The following RGS7 variants were observed in gnomAD, a reference collection of about 807,000 sequenced individuals.
The protein encoded by RGS7 is regulator of G protein signaling 7.
Under a neutral mutation model 81.1 loss-of-function variants are expected in RGS7, and 27 were observed. The observed-to-expected ratio is 0.33, with a 90% CI of 0.25 to 0.46. The LOEUF (loss-of-function observed/expected upper bound fraction) is 0.46. Among genes scored for constraint, RGS7 ranks in the 20% least tolerant of loss-of-function variants. The probability of loss-of-function intolerance (pLI) is 1.00; values close to 1 mark genes in which losing one functional copy is unlikely to be tolerated. For synonymous variants in RGS7, 208 were observed against 207.7 expected, an observed-to-expected ratio of 1.00 and a Z score of -0.01; for missense variants, 396 against 607.4, an observed-to-expected ratio of 0.65 and a Z score of 3.66.
intron 9 of RGS7, among the ~76,000 whole-genome samples, chr1:240,829,042 C>G (rs1324219813): frequency 1.3e-5 from 2 of 152,082 alleles, no homozygotes; most frequent in African/African-American, 4.8e-5. Flanking sequence ...GTAATGAGGA[C>G]AGAGGACACT....
intron 3 of RGS7, among the ~76,000 whole-genome samples, chr1:241,002,264 T>C (rs538004241): frequency 7.9e-5 from 12 of 151,594 alleles, no homozygotes; most frequent in Non-Finnish European, 1.3e-4. Context: ...CTGACCAAGA[T>C]GGTGAAACCC....
intron 9 of RGS7, among the ~76,000 whole-genome samples, chr1:240,842,668 G>A (rs1425484231): frequency 5.3e-5 from 8 of 152,094 alleles, no homozygotes; most frequent in Non-Finnish European, 1.0e-4. Context: ...GGAGGCAAGA[G>A]TGTAAAACTC....
intron 6 of RGS7, among the ~76,000 whole-genome samples, chr1:240,926,673 G>A (rs958132538): frequency 3.3e-5 from 5 of 151,998 alleles, no homozygotes; most frequent in Admixed American, 2.0e-4. Context: ...CCTTTGTCTC[G>A]AGCCCACACT....
intron 2 of RGS7, among the ~76,000 whole-genome samples, chr1:241,137,511 A>G (rs949060785): frequency 2.6e-5 from 4 of 152,094 alleles, no homozygotes; most frequent in Non-Finnish European, 5.9e-5. Flanking sequence ...CCCAAATTTT[A>G]TATTCATTAT....
intron 2 of RGS7, among the ~76,000 whole-genome samples, chr1:241,159,212 C>A (rs183705606): frequency 8.0e-4 from 122 of 152,284 alleles, no homozygotes; most frequent in African/African-American, 2.8e-3. Flanking sequence ...TTCTGGCTTA[C>A]AAGCCTTTCA....
chr1:241,113,504 A>C (rs1308966168), intron 2 of RGS7, among the ~76,000 whole-genome samples: 1 of 152,172 alleles, frequency 6.6e-6, no homozygotes, highest in Non-Finnish European at 1.5e-5. Context: ...GAAAAACAAT[A>C]GGTTTTTTAT....
At chr1:241,252,259 G>T (rs1416967197) in intron 2 of RGS7, among the ~76,000 whole-genome samples, 1 of 152,030 alleles carries the variant, frequency 6.6e-6, no homozygotes, top group Non-Finnish European at 1.5e-5. Flanking sequence ...GACCAGGCTG[G>T]TCTTGAACTC....
chr1:241,147,014 A>G (rs886618629), intron 2 of RGS7, among the ~76,000 whole-genome samples: 1 of 152,200 alleles, frequency 6.6e-6, no homozygotes, highest in Non-Finnish European at 1.5e-5. Context: ...CTCGGCTTAT[A>G]GCAGTGCTCT....
chr1:240,846,388 G>T (rs191952032), intron 9 of RGS7, among the ~76,000 whole-genome samples: 1 of 152,248 alleles, frequency 6.6e-6, no homozygotes, highest in East Asian at 1.9e-4. Flanking sequence ...GAACTCATGC[G>T]CCACAGCTGT....
In RGS7 at chr1:241,163,438, T is replaced by A. The variant is rs2069901621; in HGVS notation, c.79-64676A>T. 6.6e-6 allele frequency among the ~76,000 whole-genome samples: 1 copy of A among 152,162 alleles called. No homozygotes were observed. The highest frequency in any genetic ancestry group is 2.4e-5 in the African/African-American group (1 of 41,430). ...CTGTCTTTTGTCGGGGAGATACACA[T>A]CTGCAGAGAAAATCTGCATTGATGT... On this transcript the variant is annotated intron_variant, in intron 2 of 18. Coordinates refer to ENST00000440928, the MANE Select transcript of RGS7 (RefSeq NM_001364886.1). This position sits in a 1 kb window ranked among gnomAD's most constrained non-coding sequence, Gnocchi z 4.6.
chr1:241,259,650 C>CAAAAAAAAAAAAAAAAAAAAAAA (rs71571832), intron 2 of RGS7, among the ~76,000 whole-genome samples: 7 of 39,904 alleles, frequency 1.8e-4, no homozygotes, highest in Non-Finnish European at 2.5e-4. Context: ...AACTCCGTCT[C>CAAAAAAAAAAAAAAAAAAAAAAA]AAAAAAAAAA....
chr1:241,016,138 G>A (rs1345066689), intron 3 of RGS7, among the ~76,000 whole-genome samples: 2 of 152,278 alleles, frequency 1.3e-5, no homozygotes, highest in African/African-American at 4.8e-5. Flanking sequence ...TGTGAGGTAC[G>A]ATGGGATAAC....
At chr1:240,919,358 T>C (rs1192480913) in intron 6 of RGS7, among the ~76,000 whole-genome samples, 1 of 152,130 alleles carries the variant, frequency 6.6e-6, no homozygotes, top group Non-Finnish European at 1.5e-5. Context: ...TATCCAACAA[T>C]GTATAAAATA....
intron 3 of RGS7, among the ~76,000 whole-genome samples, chr1:241,003,439 T>A (rs1385359358): frequency 7.8e-6 from 1 of 128,940 alleles, no homozygotes; most frequent in Non-Finnish European, 1.6e-5. Flanking sequence ...CCAGCCTGGG[T>A]GACAGAGCGA....
intron 2 of RGS7, among the ~76,000 whole-genome samples, chr1:241,307,460 C>A (rs2148536131): frequency 6.6e-6 from 1 of 152,174 alleles, no homozygotes; most frequent in Middle Eastern, 3.4e-3. Flanking sequence ...AGTGAGTAGG[C>A]CCTTTAAATC....
chr1:241,044,359 C>G (rs2060796825), intron 3 of RGS7, among the ~76,000 whole-genome samples: 1 of 152,122 alleles, frequency 6.6e-6, no homozygotes, highest in Admixed American at 6.5e-5. Context: ...ATCTGCCCGC[C>G]TTGGCCTCTC....
At chr1:240,815,155 T>C (rs10926359) in intron 11 of RGS7, among the ~76,000 whole-genome samples, 69,874 of 151,780 alleles carry the variant, frequency 0.46, 18,061 homozygotes, top group Non-Finnish European at 0.58. Context: ...CTGGCCAACA[T>C]AGTGAGACCC....
At chr1:240,859,440 G>GTTTTTTTTTTTTTTTTTTTTTTTTC (rs5782167) in intron 9 of RGS7, among the ~76,000 whole-genome samples, 1 of 110,828 alleles carries the variant, frequency 9.0e-6, no homozygotes, top group Admixed American at 9.9e-5. Flanking sequence ...TTTCTTTCCT[G>GTTTTTTTTTTTTTTTTTTTTTTTTC]TTTTTTTTTT....
chr1:241,221,072 AAAGGAAGGAAGGAAGGAAGAAAGG>A lies in RGS7; in HGVS notation c.79-122334_79-122311del, dbSNP rs1329236198. Among the ~76,000 whole-genome samples the A allele has an allele frequency of 1.6e-4, 22 of 137,606 alleles. No individual in the cohort carries two copies. The South Asian group carries it at 1.9e-3, about 12-fold the overall frequency. 90.3% of individuals were successfully genotyped at this position (137,606 alleles called of 152,430 possible). On this transcript the variant is annotated intron_variant, in intron 2 of 18. Coordinates refer to ENST00000440928, the MANE Select transcript of RGS7 (RefSeq NM_001364886.1). ...GAAAGAAAGAAAGAGAGAGAGAGAG[AAAGGAAGGAAGGAAGGAAGAAAGG>A]AAGGAAGGAAGGAAGGAAGGGAGGG...
Sources: allele counts gnomAD v4.1 joint callset (sites outside exome capture counted in the v4.1 genomes callset), GRCh38; gene constraint gnomAD v4.1.1; non-coding constraint Gnocchi (gnomAD v3.1); transcripts MANE v1.5; gene names NCBI Gene and HGNC (gene_info 2026-07-23, HGNC 2026-07-21).